Variants in RLN2 observed in about 807,000 individuals in gnomAD.
RLN2 encodes the protein relaxin 2, also known as prorelaxin H2.
In RLN2, 10 loss-of-function variants were observed where a neutral mutation model predicts 7.3. The ratio of observed to expected loss-of-function variants is 1.36; its 90% CI spans 0.84 to 2.31. The LOEUF (loss-of-function observed/expected upper bound fraction) is 2.31, where lower values mean the gene tolerates loss of function less well. Ranked by LOEUF, RLN2 falls within the 30% of genes most tolerant of loss-of-function variation. RLN2 has a pLI of 0.00. For synonymous variants in RLN2, 103 were observed against 82.3 expected, an observed-to-expected ratio of 1.25 and a Z score of -1.36; for missense variants, 298 against 217.6, an observed-to-expected ratio of 1.37 and a Z score of -2.32.
chr9:5,301,630 T>G (rs748698181), intron 1 of RLN2, among the ~76,000 whole-genome samples: 1 of 152,040 alleles, frequency 6.6e-6, no homozygotes, highest in Non-Finnish European at 1.5e-5. Flanking sequence ...ATAATGAAAA[T>G]AAAGAGAAGA....
the RLN2 span, among the ~76,000 whole-genome samples, chr9:5,314,852 C>T: frequency 4.6e-5 from 7 of 151,792 alleles, no homozygotes; most frequent in South Asian, 8.3e-4. Context: ...TGCAGTCCCT[C>T]GTGTCCTGGG....
upstream of RLN2, among the ~76,000 whole-genome samples, chr9:5,307,283 A>G (rs1366185202): frequency 3.0e-5 from 3 of 100,666 alleles, no homozygotes; most frequent in South Asian, 3.0e-4. Flanking sequence ...ATAGATAGAT[A>G]GATAGATAGA....
chr9:5,311,027 G>A, the RLN2 span, among the ~76,000 whole-genome samples: 1 of 151,998 alleles, frequency 6.6e-6, no homozygotes, highest in Non-Finnish European at 1.5e-5. Flanking sequence ...TGTGGTTCTA[G>A]CAAGAGCTAG....
chr9:5,334,684 C>G, the RLN2 span, among the ~76,000 whole-genome samples: 1 of 151,642 alleles, frequency 6.6e-6, no homozygotes, highest in African/African-American at 2.4e-5. Flanking sequence ...AGAACCAGAG[C>G]CTGAAAAGTA....
chr9:5,323,382 T>C, the RLN2 span, among the ~76,000 whole-genome samples: 6 of 152,040 alleles, frequency 3.9e-5, no homozygotes, highest in Non-Finnish European at 7.4e-5. Context: ...TACAGTAGTT[T>C]TTCTCCTAAT....
chr9:5,304,609 G>C lies in RLN2; in HGVS notation c.-29C>G, dbSNP rs568842879. On this transcript the variant is annotated 5_prime_UTR_variant, in exon 1 of 2. Coordinates refer to ENST00000381627, the MANE Select transcript of RLN2 (RefSeq NM_134441.3). ...GGGCCTGGTCTCTCCTGGAGGTCGG[G>C]ACGTTGCAGCCTTTCAGGACTGCAG... 9.9e-6 allele frequency: 16 copies of C among 1,609,502 alleles called. No homozygotes were observed. In the African/African-American group the frequency reaches 2.0e-4, roughly 20 times the overall value.
chr9:5,333,389 A>G, the RLN2 span, among the ~76,000 whole-genome samples: 1 of 152,070 alleles, frequency 6.6e-6, no homozygotes, highest in Non-Finnish European at 1.5e-5. Flanking sequence ...AGAACACTAC[A>G]AACACCTCTA....
chr9:5,300,454 T>A lies in RLN2; in HGVS notation c.212-10A>T, dbSNP rs980462066. 6.3e-6 allele frequency: 10 copies of A among 1,575,292 alleles called. No homozygotes were observed. In the Admixed American group the frequency reaches 9.5e-5, roughly 15 times the overall value. On this transcript the variant is annotated splice_polypyrimidine_tract_variant and intron_variant, in intron 1 of 1. Transcript: ENST00000381627. ...AAGGATGGCACAATTTCTGTTAAAT[T>A]TAAAAAAAAAGGTGTATGTGAGGGT...
the RLN2 span, among the ~76,000 whole-genome samples, chr9:5,316,841 T>C: frequency 6.6e-6 from 1 of 152,066 alleles, no homozygotes; most frequent in Non-Finnish European, 1.5e-5. Flanking sequence ...ATGGTATTTC[T>C]GGTTCTAGAT....
the RLN2 span, among the ~76,000 whole-genome samples, chr9:5,317,542 A>G: frequency 1.3e-5 from 2 of 151,286 alleles, no homozygotes; most frequent in Admixed American, 1.3e-4. Flanking sequence ...TTCAAAGCCT[A>G]TATAGGTAAA....
the RLN2 span, among the ~76,000 whole-genome samples, chr9:5,330,334 A>G: frequency 6.6e-6 from 1 of 151,986 alleles, no homozygotes; most frequent in Non-Finnish European, 1.5e-5. Context: ...ACACTCTAAC[A>G]TCACAATTAA....
Position 5,304,460 on chromosome 9 carries a change from G to C in RLN2, c.121C>G (p.Arg41Gly). 1 of 1,613,388 alleles carries C rather than the reference G, an allele frequency of 6.2e-7. No individual in the cohort carries two copies. The highest frequency in any genetic ancestry group is 1.7e-4 in the Middle Eastern group (1 of 6,056). The change falls in exon 1 of 2, where the codon CGC (arginine) becomes GGC (glycine). Residue 41 changes from arginine to glycine, a missense_variant. Arg to Gly is a moderately radical substitution (Grantham distance 125). Coordinates refer to ENST00000381627, the MANE Select transcript of RLN2 (RefSeq NM_134441.3). The part of the protein sequence containing the change: ...VIKLCGRELV[R>G]AQIAICGMST... ...ATGCCGCAAATGGCAATCTGCGCGC[G>C]AACTAATTCGCGGCCGCATAATTTA...
the RLN2 span, among the ~76,000 whole-genome samples, chr9:5,327,470 G>C: frequency 6.6e-6 from 1 of 152,044 alleles, no homozygotes; most frequent in African/African-American, 2.4e-5. Flanking sequence ...CACCTCTAGC[G>C]GCAGGGCATA....
At chr9:5,312,069 G>T in the RLN2 span, among the ~76,000 whole-genome samples, 1 of 151,790 alleles carries the variant, frequency 6.6e-6, no homozygotes, top group Non-Finnish European at 1.5e-5. Context: ...TGGGGGAAGG[G>T]GCATATGTCA....
rs1188413843 is a variant in RLN2, at chr9:5,300,353, G to A, written c.303C>T (p.Thr101=). The A allele has an allele frequency of 6.2e-7, 1 of 1,613,694 alleles. No homozygotes were observed. The highest frequency in any genetic ancestry group is 1.7e-5 in the Admixed American group (1 of 59,978). ...GTAATGCTGGCTGCATCTCAGACAGGGTTAACTTCAGCTCCTGTGGCAAAT... is the reference window on the plus strand; with the variant it reads ...GTAATGCTGGCTGCATCTCAGACAGAGTTAACTTCAGCTCCTGTGGCAAAT... ...VANLPQELKL[T]LSEMQPALPQ... The change falls in exon 2 of 2, where the codon ACC becomes ACT. Residue 101 remains threonine, a synonymous_variant. Transcript: ENST00000381627.
chr9:5,330,377 G>A, the RLN2 span, among the ~76,000 whole-genome samples: 83 of 151,886 alleles, frequency 5.5e-4, no homozygotes, highest in African/African-American at 1.7e-3. Flanking sequence ...GGTGGCTCAC[G>A]CCTGTCATCC....
upstream of RLN2, among the ~76,000 whole-genome samples, chr9:5,306,298 G>A (rs921172528): frequency 6.6e-6 from 1 of 151,540 alleles, no homozygotes; most frequent in African/African-American, 2.4e-5. Context: ...ATTAGAGACT[G>A]GGTTTCACCA....
the RLN2 span, among the ~76,000 whole-genome samples, chr9:5,317,902 T>C: frequency 2.0e-5 from 3 of 151,898 alleles, no homozygotes; most frequent in African/African-American, 7.3e-5. Flanking sequence ...TGACGAAGTG[T>C]GGGAGAGACA....
the RLN2 span, among the ~76,000 whole-genome samples, chr9:5,330,475 A>T: frequency 2.2e-4 from 33 of 151,480 alleles, no homozygotes; most frequent in African/African-American, 4.1e-4. Context: ...CATCTCTACT[A>T]AAAATACAAA....
Sources: gnomAD v4.1 joint callset for allele counts (sites outside exome capture counted in the v4.1 genomes callset) on GRCh38, gnomAD v4.1.1 for gene constraint, MANE v1.5 for transcripts, NCBI Gene and HGNC (gene_info 2026-07-23, HGNC 2026-07-21) for gene names.